SERPINB12: variants seen among roughly 807,000 people sequenced by gnomAD.
SERPINB12 encodes serpin family B member 12, also known as serpin B12.
Under a neutral mutation model 41.1 loss-of-function variants are expected in SERPINB12, and 57 were observed. The observed-to-expected ratio is 1.39, with a 90% CI of 1.12 to 1.73. SERPINB12 has a LOEUF of 1.73. Among genes scored for constraint, SERPINB12 ranks in the 40% most tolerant of loss-of-function variants. SERPINB12 has a pLI of 0.00. For missense variants in SERPINB12, 536 were observed against 501.9 expected (o/e 1.07, Z -0.65); for synonymous variants, 180 against 181.3 (o/e 0.99, Z 0.06).
intron 5 of SERPINB12, among the ~76,000 whole-genome samples, chr18:63,563,662 C>T (rs190494803): frequency 4.1e-4 from 62 of 152,116 alleles, no homozygotes; most frequent in East Asian, 2.3e-3. Flanking sequence ...TTTGGGAGGC[C>T]GAGGCGGGCA....
At chr18:63,546,107 A>G (rs1910381334) in intron 1 of SERPINB12, among the ~76,000 whole-genome samples, 1 of 152,164 alleles carries the variant, frequency 6.6e-6, no homozygotes, top group Non-Finnish European at 1.5e-5. Context: ...TTTCCTTTGA[A>G]TTTCTCTACA....
chr18:63,553,495 G>A (rs1265663878), intron 1 of SERPINB12, among the ~76,000 whole-genome samples: 1 of 152,166 alleles, frequency 6.6e-6, no homozygotes, highest in African/African-American at 2.4e-5. Flanking sequence ...GTGAAGCCAA[G>A]TGATTAACTG....
chr18:63,555,502 A>G (rs1393781566), intron 1 of SERPINB12, among the ~76,000 whole-genome samples: 1 of 152,218 alleles, frequency 6.6e-6, no homozygotes, highest in African/African-American at 2.4e-5. Context: ...TATGTCCCCT[A>G]AAAATATAGT....
intron 1 of SERPINB12, among the ~76,000 whole-genome samples, chr18:63,542,892 A>G (rs1422368724): frequency 2.0e-5 from 3 of 152,008 alleles, no homozygotes; most frequent in Admixed American, 1.3e-4. Context: ...AACATGTGGT[A>G]TTTGTTTTTC....
At position 63,566,809 on chromosome 18, in the gene SERPINB12, T is replaced by G. The variant is rs370092976; in HGVS notation, c.1076T>G (p.Leu359Trp). ...ACTGGAATCTCTCCAAGTCCCAATT[T>G]GTACTTGTCAAAAATTATCCACAAA... is the stretch of plus-strand genomic sequence containing the variant. ...DLTGISPSPNLYLSKIIHKTF... is the reference protein window; with the variant it reads ...DLTGISPSPNWYLSKIIHKTF... Residue 359 changes from leucine to tryptophan, a missense_variant, in exon 8 of 8, where the codon TTG becomes TGG. Transcript: ENST00000382768. The G allele has an allele frequency of 6.2e-7, 1 of 1,614,112 alleles. No homozygotes were observed. Among genetic ancestry groups the G allele is most frequent in the Non-Finnish European group, 8.5e-7 (1 of 1,179,982 alleles).
At chr18:63,559,058 C>CTT (rs778900558) in intron 3 of SERPINB12, among the ~76,000 whole-genome samples, 11,472 of 106,436 alleles carry the variant, frequency 0.11, 838 homozygotes, top group Non-Finnish European at 0.14. Context: ...TTCTTTCTTT[C>CTT]TCTCCTTCTT....
At chr18:63,545,615 T>C (rs899000979) in intron 1 of SERPINB12, among the ~76,000 whole-genome samples, 1 of 152,206 alleles carries the variant, frequency 6.6e-6, no homozygotes, top group Non-Finnish European at 1.5e-5. Context: ...AACAAGTTTA[T>C]ACTCTTCTCA....
intron 3 of SERPINB12, among the ~76,000 whole-genome samples, chr18:63,559,003 C>CTTCTTTCTTTCTTTCTTTCTTTCTTTCT (rs374734513): frequency 1.1e-4 from 9 of 78,536 alleles, no homozygotes; most frequent in East Asian, 3.4e-4. Context: ...TCTTTCCTTC[C>CTTCTTTCTTTCTTTCTTTCTTTCTTTCT]TTCTTTCTTT....
chr18:63,567,870 T>C lies in SERPINB12; in HGVS notation c.*859T>C, dbSNP rs1026387589. Among the ~76,000 whole-genome samples the C allele has an allele frequency of 2.0e-5, 3 of 152,254 alleles. No homozygotes were observed. Among genetic ancestry groups the C allele is most frequent in the African/African-American group, 7.2e-5 (3 of 41,470 alleles). On this transcript the variant is annotated 3_prime_UTR_variant, in exon 8 of 8. Transcript: ENST00000382768. ...GTCAAGAGAAGTGCTGCTGGCATTG[T>C]GGACGGCTGGCCTCCGTATGCCCCT...
rs1333809951 is a variant in SERPINB12, at chr18:63,568,847, A to G, written c.*1836A>G. 6.6e-6 allele frequency among the ~76,000 whole-genome samples: 1 copy of G among 152,204 alleles called. No individual in the cohort carries two copies. Among genetic ancestry groups the G allele is most frequent in the East Asian group, 1.9e-4 (1 of 5,200 alleles). Reference sequence around the variant, plus strand: ...GAGACAAGTTCCATGTTCTCCATACAACCTTCTCATTGTTGAAGCTCACTT... The same window carrying G: ...GAGACAAGTTCCATGTTCTCCATACGACCTTCTCATTGTTGAAGCTCACTT... On this transcript the variant is annotated 3_prime_UTR_variant, in exon 8 of 8. Coordinates refer to ENST00000382768, the MANE Select transcript of SERPINB12 (RefSeq NM_001307928.2).
At chr18:63,555,368 A>G (rs1257078764) in intron 1 of SERPINB12, among the ~76,000 whole-genome samples, 1 of 152,192 alleles carries the variant, frequency 6.6e-6, no homozygotes, top group East Asian at 1.9e-4. Context: ...AGAACCAGCC[A>G]CAATCTGTGG....
At chr18:63,539,250 G>GA (rs1457658988), upstream of SERPINB12, among the ~76,000 whole-genome samples, 2 of 152,004 alleles carry the variant, frequency 1.3e-5, no homozygotes, top group Non-Finnish European at 2.9e-5. Context: ...TAGGGGGTGT[G>GA]AAAAAAGAAA....
At position 63,555,471 on chromosome 18, in the gene SERPINB12, C is replaced by A. The variant is rs542545659; in HGVS notation, c.-18-671C>A. Among the ~76,000 whole-genome samples the A allele has an allele frequency of 2.6e-5, 4 of 152,232 alleles. No homozygotes were observed. In the East Asian group the frequency reaches 7.7e-4, roughly 29 times the overall value. On this transcript the variant is annotated intron_variant, in intron 1 of 7. Transcript: ENST00000382768. ...TCATTTTACGTGAATACAGGGAGTT[C>A]CACCACAAAGTGGGTAGGATTATGT...
At chr18:63,537,748 C>A (rs948648078), upstream of SERPINB12, among the ~76,000 whole-genome samples, 9 of 152,126 alleles carry the variant, frequency 5.9e-5, no homozygotes, top group African/African-American at 1.7e-4. Context: ...TTTGAAAAAA[C>A]TCATAAAGGT....
chr18:63,545,839 T>A (rs1030457857), intron 1 of SERPINB12, among the ~76,000 whole-genome samples: 1 of 152,172 alleles, frequency 6.6e-6, no homozygotes, highest in African/African-American at 2.4e-5. Flanking sequence ...TTGCAAATCA[T>A]AACCAATGAC....
upstream of SERPINB12, among the ~76,000 whole-genome samples, chr18:63,540,768 G>A (rs545450321): frequency 2.6e-5 from 4 of 152,242 alleles, no homozygotes; most frequent in Non-Finnish European, 5.9e-5. Flanking sequence ...ATATAAATTA[G>A]AAATCACTTA....
intron 7 of SERPINB12, among the ~76,000 whole-genome samples, chr18:63,566,382 C>T (rs1878364911): frequency 6.6e-6 from 1 of 152,218 alleles, no homozygotes; most frequent in Non-Finnish European, 1.5e-5. Flanking sequence ...ACACTTGTCT[C>T]TCAAACACCA....
rs952035606 is a variant in SERPINB12, at chr18:63,549,422, A to T, written c.-18-6720A>T. Among the ~76,000 whole-genome samples, 37 of 152,132 alleles carry T rather than the reference A, an allele frequency of 2.4e-4. 1 individual carries two copies. The highest frequency in any genetic ancestry group is 6.5e-4 in the African/African-American group (27 of 41,508). On this transcript the variant is annotated intron_variant, in intron 1 of 7. Coordinates refer to ENST00000382768, the MANE Select transcript of SERPINB12 (RefSeq NM_001307928.2). ...TAGTATTTGTATTGATATAAAATGA[A>T]TTTTTTTCTTTTTCTTCTGACTAAG...
intron 1 of SERPINB12, among the ~76,000 whole-genome samples, chr18:63,545,818 T>A (rs1910375175): frequency 6.6e-6 from 1 of 152,200 alleles, no homozygotes; most frequent in East Asian, 1.9e-4. Context: ...GTGTTAAAAT[T>A]TTCCAAACTC....
Sources: gnomAD v4.1 joint callset for allele counts (sites outside exome capture counted in the v4.1 genomes callset) on GRCh38, gnomAD v4.1.1 for gene constraint, MANE v1.5 for transcripts, NCBI Gene and HGNC (gene_info 2026-07-23, HGNC 2026-07-21) for gene names.